The following ANKS1B variants were observed in gnomAD, a reference collection of about 807,000 sequenced individuals.
ANKS1B encodes the protein ankyrin repeat and sterile alpha motif domain containing 1B.
Under a neutral mutation model 148.3 loss-of-function variants are expected in ANKS1B, and 36 were observed. The observed-to-expected ratio is 0.24, with a 90% confidence interval of 0.19 to 0.32. The LOEUF is 0.32. Ranked by LOEUF, ANKS1B falls within the 10% of genes least tolerant of loss-of-function variation. The pLI is 1.00. For synonymous variants in ANKS1B, 542 were observed against 560.8 expected, an observed-to-expected ratio of 0.97 and a Z score of 0.47; for missense variants, 1,157 against 1,542.6, an observed-to-expected ratio of 0.75 and a Z score of 4.19.
At chr12:99,497,631 A>G (rs772138462) in intron 10 of ANKS1B, among the ~76,000 whole-genome samples, 6 of 152,004 alleles carry the variant, frequency 3.9e-5, no homozygotes, top group Non-Finnish European at 8.8e-5. Flanking sequence ...GTCATATTGG[A>G]TTAGGGTCCA....
At chr12:99,058,718 CCTTTTTTTTTTTTTTTTT>C (rs2041186451) in intron 16 of ANKS1B, among the ~76,000 whole-genome samples, 1 of 115,892 alleles carries the variant, frequency 8.6e-6, no homozygotes, top group Admixed American at 9.1e-5. Context: ...TTCTATCTAT[CCTTTTTTTTTTTTTTTTT>C]TTTTTTTTTT....
chr12:99,839,624 T>C (rs1026725279), intron 1 of ANKS1B, among the ~76,000 whole-genome samples: 10 of 152,166 alleles, frequency 6.6e-5, no homozygotes, highest in South Asian at 2.1e-4. Flanking sequence ...GTGAATACTA[T>C]GTGCCAGATA....
At chr12:99,402,244 A>G (rs1467631217) in intron 11 of ANKS1B, among the ~76,000 whole-genome samples, 1 of 146,052 alleles carries the variant, frequency 6.8e-6, no homozygotes, top group Admixed American at 6.8e-5. Context: ...TCTCCTAATG[A>G]TGTAGTTGAA....
chr12:99,767,532 A>G (rs1051914870), intron 8 of ANKS1B, among the ~76,000 whole-genome samples: 1 of 152,164 alleles, frequency 6.6e-6, no homozygotes, highest in Non-Finnish European at 1.5e-5. Flanking sequence ...GTTTATACAC[A>G]TGGAGGAAAA....
chr12:99,528,494 A>C (rs1165531770), intron 9 of ANKS1B, among the ~76,000 whole-genome samples: 1 of 152,084 alleles, frequency 6.6e-6, no homozygotes, highest in Admixed American at 6.5e-5. Context: ...GAATGGGAGA[A>C]AATATTTGCA....
chr12:99,461,306 G>C (rs367832734), intron 10 of ANKS1B, among the ~76,000 whole-genome samples: 1 of 151,954 alleles, frequency 6.6e-6, no homozygotes, highest in African/African-American at 2.4e-5. Context: ...AGGGATAAAA[G>C]TCTACACATT....
chr12:99,698,958 CTG>C (rs148411960), intron 8 of ANKS1B, among the ~76,000 whole-genome samples: 6 of 97,064 alleles, frequency 6.2e-5, no homozygotes, highest in African/African-American at 1.1e-4. Flanking sequence ...TACTGCTGTT[CTG>C]TGTGTGTGTG....
chr12:99,402,629 G>A (rs1475886889), intron 11 of ANKS1B, among the ~76,000 whole-genome samples: 1 of 145,788 alleles, frequency 6.9e-6, no homozygotes, highest in Non-Finnish European at 1.5e-5. Context: ...CTCCATCCAT[G>A]TCCCTGCAAA....
intron 9 of ANKS1B, among the ~76,000 whole-genome samples, chr12:99,506,210 A>T (rs1725638588): frequency 6.6e-6 from 1 of 152,070 alleles, no homozygotes; most frequent in Non-Finnish European, 1.5e-5. Context: ...TACTTTTATA[A>T]AGTATGCCTC....
intron 4 of ANKS1B, among the ~76,000 whole-genome samples, chr12:99,786,503 A>C (rs1007781341): frequency 6.6e-6 from 1 of 152,166 alleles, no homozygotes; most frequent in East Asian, 1.9e-4. Context: ...TTAAAACAAC[A>C]ACAACAACAC....
intron 15 of ANKS1B, among the ~76,000 whole-genome samples, chr12:99,135,496 C>A (rs962064394): frequency 6.6e-6 from 1 of 152,158 alleles, no homozygotes; most frequent in Non-Finnish European, 1.5e-5. Context: ...AAGAGAAGAT[C>A]CTGAAACTTC....
intron 9 of ANKS1B, among the ~76,000 whole-genome samples, chr12:99,641,716 A>C (rs2098308567): frequency 1.3e-5 from 2 of 152,338 alleles, no homozygotes; most frequent in African/African-American, 4.8e-5. Flanking sequence ...TCAATATCAA[A>C]ATGATATCAA....
intron 17 of ANKS1B, among the ~76,000 whole-genome samples, chr12:98,998,604 C>A (rs868812199): frequency 2.0e-5 from 3 of 151,974 alleles, no homozygotes; most frequent in Non-Finnish European, 4.4e-5. Context: ...GGCTTAGGTA[C>A]ATAAATTAAT....
At chr12:98,996,564 C>G (rs760019022) in intron 17 of ANKS1B, among the ~76,000 whole-genome samples, 1 of 151,988 alleles carries the variant, frequency 6.6e-6, no homozygotes, top group Non-Finnish European at 1.5e-5. Context: ...CCTGTAATCC[C>G]AGCACTTTGG....
intron 24 of ANKS1B, 130 bp from the exon 25 acceptor site, chr12:98,773,309 T>C: frequency 1.0e-6 from 1 of 1,004,066 alleles, no homozygotes; most frequent in Non-Finnish European, 1.4e-6. Flanking sequence ...ACACTCAAAG[T>C]GGTCCACTAT....
At chr12:99,276,049 G>A (rs1018649810) in intron 12 of ANKS1B, among the ~76,000 whole-genome samples, 3 of 152,118 alleles carry the variant, frequency 2.0e-5, no homozygotes, top group Non-Finnish European at 4.4e-5. Context: ...AAACTGTCCT[G>A]GATCTAAAAG....
intron 15 of ANKS1B, among the ~76,000 whole-genome samples, chr12:99,125,166 G>A (rs1334214007): frequency 1.3e-5 from 2 of 152,256 alleles, no homozygotes; most frequent in East Asian, 1.9e-4. Flanking sequence ...GATGATGTGC[G>A]TGAGAGCAGG....
At chr12:99,615,155 T>G (rs2153355986) in intron 9 of ANKS1B, among the ~76,000 whole-genome samples, 1 of 151,774 alleles carries the variant, frequency 6.6e-6, no homozygotes, top group South Asian at 2.1e-4. Flanking sequence ...GGTAGGTAGG[T>G]AGGTAGGCAG....
At chr12:99,037,254 C>T (rs1370215157) in intron 17 of ANKS1B, among the ~76,000 whole-genome samples, 2 of 152,256 alleles carry the variant, frequency 1.3e-5, no homozygotes, top group Non-Finnish European at 2.9e-5. Context: ...CTGTGGCTCA[C>T]GTCTGTAATC....
Sources: gnomAD v4.1 joint callset for allele counts (sites outside exome capture counted in the v4.1 genomes callset) on GRCh38, gnomAD v4.1.1 for gene constraint, MANE v1.5 for transcripts, NCBI Gene and HGNC (gene_info 2026-07-23, HGNC 2026-07-21) for gene names.